Variants in PIGF observed in about 807,000 individuals in gnomAD.
PIGF encodes the protein GPI ethanolamine phosphate transferase, stabilizing subunit.
PIGF carries 23 observed loss-of-function variants against 26.0 expected under a neutral mutation model. That is an observed-to-expected ratio of 0.88 (90% CI 0.64 to 1.25). The LOEUF (loss-of-function observed/expected upper bound fraction) is 1.25, where lower values mean the gene tolerates loss of function less well. Among genes scored for constraint, PIGF ranks in the 50% most tolerant of loss-of-function variants. PIGF has a pLI of 0.00. For synonymous variants in PIGF, 93 were observed against 92.6 expected (o/e 1.00, Z -0.03); for missense variants, 278 against 249.9 (o/e 1.11, Z -0.76).
At chr2:46,608,683 C>T (rs1320708368) in intron 4 of PIGF, among the ~76,000 whole-genome samples, 1 of 152,062 alleles carries the variant, frequency 6.6e-6, no homozygotes, top group Admixed American at 6.5e-5. Flanking sequence ...GTGTTGTAGG[C>T]ATGAAAAAAA....
At chr2:46,605,461 G>T (rs916348295) in intron 4 of PIGF, among the ~76,000 whole-genome samples, 2 of 152,128 alleles carry the variant, frequency 1.3e-5, no homozygotes, top group African/African-American at 4.8e-5. Context: ...TTGCAGTAAG[G>T]ACTGAAAGTA....
At chr2:46,591,946 A>G (rs1217006390) in intron 5 of PIGF, 1 of 1,303,422 alleles carries the variant, frequency 7.7e-7, no homozygotes, top group Non-Finnish European at 1.0e-6. Context: ...CAAGAGGAAC[A>G]TTCAATTTGG....
At chr2:46,611,919 G>A (rs899790307) in intron 4 of PIGF, among the ~76,000 whole-genome samples, 1 of 151,670 alleles carries the variant, frequency 6.6e-6, no homozygotes. Context: ...TGGTTTTCAA[G>A]GCTTTCTTTT....
intron 4 of PIGF, among the ~76,000 whole-genome samples, chr2:46,595,725 T>G (rs1669861756): frequency 1.3e-5 from 2 of 152,186 alleles, no homozygotes; most frequent in Non-Finnish European, 2.9e-5. Flanking sequence ...CCACCAGCAG[T>G]GTATGAGGAT....
intron 4 of PIGF, among the ~76,000 whole-genome samples, chr2:46,599,811 C>A (rs1669999472): frequency 1.3e-5 from 2 of 152,092 alleles, no homozygotes; most frequent in Admixed American, 6.6e-5. Context: ...CTTCTGCACA[C>A]CCCTTTTCCT....
intron 4 of PIGF, among the ~76,000 whole-genome samples, chr2:46,611,611 A>C (rs1670421256): frequency 6.6e-6 from 1 of 152,148 alleles, no homozygotes; most frequent in Non-Finnish European, 1.5e-5. Context: ...GGAAAGAATC[A>C]AATAACCTTC....
chr2:46,588,051 GTATAAAATGGGAGTAAAAC>G lies in PIGF; in HGVS notation c.546+4405_546+4423del. 1.3e-6 allele frequency: 2 copies of G among 1,532,942 alleles called. No individual in the cohort carries two copies. The highest frequency in any genetic ancestry group is 2.5e-5 in the South Asian group (2 of 81,350). 95.0% of individuals were successfully genotyped at this position (1,532,942 alleles called of 1,614,324 possible). On this transcript the variant is annotated intron_variant, in intron 5 of 5. Coordinates refer to ENST00000281382, the MANE Select transcript of PIGF (RefSeq NM_002643.4). This position sits in a 1 kb window ranked among gnomAD's most constrained non-coding sequence, Gnocchi z 4.1. ...CCCTCTCACACTTGGACTTTCTAGT[GTATAAAATGGGAGTAAAAC>G]CTACCTTGCACTACGGTTGTCAGGA... is the stretch of plus-strand genomic sequence containing the variant.
intron 4 of PIGF, among the ~76,000 whole-genome samples, chr2:46,604,176 C>T (rs1261825738): frequency 6.6e-6 from 1 of 151,918 alleles, no homozygotes; most frequent in East Asian, 1.9e-4. Context: ...ATCATCTCAC[C>T]CCAGTTAAAA....
chr2:46,598,288 C>T (rs551091611), intron 4 of PIGF, among the ~76,000 whole-genome samples: 1 of 151,414 alleles, frequency 6.6e-6, no homozygotes, highest in African/African-American at 2.4e-5. Flanking sequence ...CCCTGAGTTT[C>T]TTTTTTGTTG....
At chr2:46,591,400 G>T in intron 5 of PIGF, 1 of 338,492 alleles carries the variant, frequency 3.0e-6, no homozygotes, top group Non-Finnish European at 4.2e-6. Flanking sequence ...TTCTTCCTTA[G>T]AATTACTAAT....
At chr2:46,612,406 T>C in intron 3 of PIGF, 62 bp from the exon 4 acceptor site, 1 of 487,514 alleles carries the variant, frequency 2.1e-6, no homozygotes, top group Non-Finnish European at 3.6e-6. Flanking sequence ...ACATACATAA[T>C]CTTTATTATA....
At chr2:46,597,386 T>C (rs1669920172) in intron 4 of PIGF, among the ~76,000 whole-genome samples, 1 of 152,176 alleles carries the variant, frequency 6.6e-6, no homozygotes, top group Middle Eastern at 3.4e-3. Context: ...TTGGGAATCA[T>C]TCTGCCTCAG....
At chr2:46,583,313 A>G (rs928879105) in intron 5 of PIGF, among the ~76,000 whole-genome samples, 1 of 152,160 alleles carries the variant, frequency 6.6e-6, no homozygotes, top group Non-Finnish European at 1.5e-5. Flanking sequence ...TGGTTTCCTC[A>G]TTATAAATAT....
At chr2:46,597,411 T>A (rs867292490) in intron 4 of PIGF, among the ~76,000 whole-genome samples, 78 of 150,996 alleles carry the variant, frequency 5.2e-4, no homozygotes, top group African/African-American at 1.8e-3. Context: ...TGTGGGGGGT[T>A]TTTTGTTGTT....
intron 3 of PIGF, among the ~76,000 whole-genome samples, chr2:46,612,988 C>T (rs1240421005): frequency 2.0e-5 from 3 of 151,564 alleles, no homozygotes; most frequent in Non-Finnish European, 4.4e-5. Context: ...TTGTTCTCTC[C>T]CATCTAGAAA....
At chr2:46,605,702 G>C (rs1169823778) in intron 4 of PIGF, among the ~76,000 whole-genome samples, 1 of 152,020 alleles carries the variant, frequency 6.6e-6, no homozygotes, top group Non-Finnish European at 1.5e-5. Context: ...TCAATTACTG[G>C]AGTCGTCTAA....
Position 46,592,547 on chromosome 2 carries a change from A to G in PIGF, c.474T>C (p.Thr158=). The G allele has an allele frequency of 1.9e-6, 3 of 1,605,838 alleles. No homozygotes were observed. The highest frequency in any genetic ancestry group is 2.6e-6 in the Non-Finnish European group (3 of 1,172,388). The part of the protein sequence containing the change: ...TSIWENSLQI[T]TISSFVGAWL... Reference sequence around the variant, plus strand: ...ATGCTCCTACAAAGCTAGAAATTGTAGTGATCTGGAGACTATTCTCCCATA... The same window carrying G: ...ATGCTCCTACAAAGCTAGAAATTGTGGTGATCTGGAGACTATTCTCCCATA... Residue 158 remains threonine (T), a synonymous_variant, in exon 5 of 6, where the codon ACT becomes ACC. Coordinates refer to ENST00000281382, the MANE Select transcript of PIGF (RefSeq NM_002643.4).
At chr2:46,599,568 C>A (rs1219756914) in intron 4 of PIGF, among the ~76,000 whole-genome samples, 1 of 152,098 alleles carries the variant, frequency 6.6e-6, no homozygotes, top group African/African-American at 2.4e-5. Flanking sequence ...TCTAATTTGT[C>A]TGTTTCTTGA....
In PIGF at chr2:46,586,930, G is replaced by A. The variant is rs746554122; in HGVS notation, c.547-5339C>T. Among the ~76,000 whole-genome samples the A allele has an allele frequency of 2.6e-5, 4 of 152,202 alleles. No individual in the cohort carries two copies. The East Asian group carries it at 5.8e-4, about 22-fold the overall frequency. Reference sequence around the variant, plus strand: ...TACTACTTTAGGAAGAGTTATTTGCGAAGGGGTGTGTAGTTCCTGGTCTGG... The same window carrying A: ...TACTACTTTAGGAAGAGTTATTTGCAAAGGGGTGTGTAGTTCCTGGTCTGG... On this transcript the variant is annotated intron_variant, in intron 5 of 5. Transcript: ENST00000281382.
Sources: gnomAD v4.1 joint callset for allele counts (sites outside exome capture counted in the v4.1 genomes callset) on GRCh38, gnomAD v4.1.1 for gene constraint, Gnocchi (gnomAD v3.1) non-coding constraint, MANE v1.5 for transcripts, NCBI Gene and HGNC (gene_info 2026-07-23, HGNC 2026-07-21) for gene names.